Variants in NEMF observed in about 807,000 individuals in gnomAD.
NEMF encodes the protein nuclear export mediator factor, also known as ribosome quality control complex subunit NEMF.
A neutral mutation model predicts 162.2 loss-of-function variants in NEMF; 89 were observed. That is an observed-to-expected ratio of 0.55 (90% CI 0.46 to 0.65). The LOEUF is 0.65. Ranked by LOEUF, NEMF falls within the 30% of genes least tolerant of loss-of-function variation. The pLI is 0.00. For synonymous variants in NEMF, 421 were observed against 404.5 expected, an observed-to-expected ratio of 1.04 and a Z score of -0.49; for missense variants, 1,133 against 1,261.9, an observed-to-expected ratio of 0.90 and a Z score of 1.55.
chr14:49,827,874 G>C (rs922705176), intron 15 of NEMF, among the ~76,000 whole-genome samples: 8 of 152,148 alleles, frequency 5.3e-5, no homozygotes, highest in Middle Eastern at 3.4e-3. Context: ...GGGAAAAGAG[G>C]AGGAGGAGAG....
intron 18 of NEMF, among the ~76,000 whole-genome samples, chr14:49,811,600 C>T (rs1187715465): frequency 6.6e-6 from 1 of 152,092 alleles, no homozygotes; most frequent in Non-Finnish European, 1.5e-5. Flanking sequence ...GCTTGTTTAC[C>T]AAGTTGAGGA....
intron 19 of NEMF, among the ~76,000 whole-genome samples, chr14:49,804,155 C>T (rs1891081727): frequency 6.6e-6 from 1 of 151,596 alleles, no homozygotes; most frequent in East Asian, 2.0e-4. Flanking sequence ...CAGGTGCGCA[C>T]CACCACGCCC....
chr14:49,825,312 A>C (rs1892281236), intron 16 of NEMF, among the ~76,000 whole-genome samples: 1 of 152,230 alleles, frequency 6.6e-6, no homozygotes, highest in African/African-American at 2.4e-5. Context: ...GTTAGTAAGA[A>C]TATAAAACAG....
intron 1 of NEMF, among the ~76,000 whole-genome samples, chr14:49,852,131 G>A (rs898522332): frequency 6.6e-6 from 1 of 151,132 alleles, no homozygotes; most frequent in Non-Finnish European, 1.5e-5. Flanking sequence ...TTTTGGGGGA[G>A]AAATACAGTA....
chr14:49,802,138 G>A (rs1283389828), intron 22 of NEMF, among the ~76,000 whole-genome samples: 2 of 151,538 alleles, frequency 1.3e-5, no homozygotes, highest in African/African-American at 2.4e-5. Flanking sequence ...TGGTAGAGAT[G>A]GTTTTGCCAT....
intron 7 of NEMF, 43 bp downstream of exon 7, chr14:49,834,320 T>C (rs766028008): frequency 1.3e-5 from 18 of 1,394,812 alleles, no homozygotes; most frequent in Non-Finnish European, 1.5e-5. Context: ...TTTCATAGTT[T>C]AAAAAAAATG....
chr14:49,806,230 G>GTGTATATGTA, intron 18 of NEMF, 97 bp from the exon 19 acceptor site: 1 of 104,214 alleles, frequency 9.6e-6, no homozygotes, highest in East Asian at 2.0e-4. Flanking sequence ...TCAATGATAT[G>GTGTATATGTA]TGTATATATA....
At chr14:49,813,033 C>T (rs1891550884) in intron 18 of NEMF, among the ~76,000 whole-genome samples, 1 of 152,102 alleles carries the variant, frequency 6.6e-6, no homozygotes, top group African/African-American at 2.4e-5. Flanking sequence ...CCTCAGCCTC[C>T]CAAAGTGCTG....
intron 3 of NEMF, among the ~76,000 whole-genome samples, chr14:49,847,766 T>G (rs1286773479): frequency 6.7e-6 from 1 of 148,584 alleles, no homozygotes; most frequent in Non-Finnish European, 1.5e-5. Flanking sequence ...GAGCGGTGGC[T>G]CAGGCCTGTA....
intron 25 of NEMF, 190 bp from the exon 26 acceptor site, chr14:49,796,134 C>T (rs1890682410): frequency 3.3e-6 from 2 of 604,740 alleles, no homozygotes; most frequent in Admixed American, 2.8e-5. Flanking sequence ...GCAAGTTTTT[C>T]ATCTCTCATG....
intron 11 of NEMF, among the ~76,000 whole-genome samples, chr14:49,831,080 A>T (rs79900541): frequency 1.3e-5 from 2 of 152,168 alleles, no homozygotes; most frequent in Non-Finnish European, 1.5e-5. Context: ...TTTTTACAGA[A>T]TATCTGAAAT....
rs372602430 is a variant in NEMF, at chr14:49,803,336, T to A, written c.1858-42A>T. Reference sequence around the variant, plus strand: ...TACATTATATTCTTATTTAAAAAAATACTCTAGTTTTCTTTTTCCACTTGA... The same window carrying A: ...TACATTATATTCTTATTTAAAAAAAAACTCTAGTTTTCTTTTTCCACTTGA... On this transcript the variant is annotated intron_variant, in intron 19 of 32. Coordinates refer to ENST00000298310, the MANE Select transcript of NEMF (RefSeq NM_004713.6). The A allele has an allele frequency of 7.3e-7, 1 of 1,374,118 alleles. No individual in the cohort carries two copies. The highest frequency in any genetic ancestry group is 1.0e-6 in the Non-Finnish European group (1 of 984,642). The allele number at this position is 1,374,118 out of a possible 1,614,324, so 85.1% of individuals were successfully genotyped here.
chr14:49,825,846 T>A (rs1206794741), intron 16 of NEMF, 21 bp downstream of exon 16: 1 of 1,454,450 alleles, frequency 6.9e-7, no homozygotes, highest in Non-Finnish European at 9.5e-7. Flanking sequence ...AAACTGTATT[T>A]GAAAGAGACA....
intron 18 of NEMF, among the ~76,000 whole-genome samples, chr14:49,807,592 AT>A (rs371689750): frequency 0.029 from 3,684 of 125,354 alleles, 88 homozygotes; most frequent in African/African-American, 0.088. Context: ...GTATCTTGTG[AT>A]TTTTTTTTTT....
chr14:49,841,488 C>A (rs553196775), intron 4 of NEMF, among the ~76,000 whole-genome samples: 1 of 146,888 alleles, frequency 6.8e-6, no homozygotes, highest in African/African-American at 2.5e-5. Context: ...GCAGGAGAAT[C>A]GCTTGAACCT....
rs1892510676 is a variant in NEMF at position 49,829,071 on chromosome 14, A to G, written c.1215T>C (p.His405=). The part of the protein sequence containing the change: ...AIKELKLQTN[H]VTMLLRNPYL... ...AAACTTACCTTAGCAGCATTGTAACATGGTTTGTTTGTAGTTTTAATTCTT... is the reference window on the plus strand; with the variant it reads ...AAACTTACCTTAGCAGCATTGTAACGTGGTTTGTTTGTAGTTTTAATTCTT... Residue 405 remains histidine, a synonymous_variant, in exon 13 of 33, where the codon CAT becomes CAC. Transcript: ENST00000298310. 2 of 1,614,058 alleles carry G rather than the reference A, an allele frequency of 1.2e-6. No individual in the cohort carries two copies. The highest frequency in any genetic ancestry group is 1.7e-6 in the Non-Finnish European group (2 of 1,179,906).
intron 3 of NEMF, among the ~76,000 whole-genome samples, chr14:49,846,721 T>C (rs2140027613): frequency 6.6e-6 from 1 of 152,354 alleles, no homozygotes; most frequent in South Asian, 2.1e-4. Flanking sequence ...TGCCTTGGCC[T>C]CCCAAAGTGC....
chr14:49,793,416 A>C (rs6572616), intron 26 of NEMF, among the ~76,000 whole-genome samples: 151,712 of 152,284 alleles, frequency 1, 75,575 homozygotes, highest in Middle Eastern at 1. Flanking sequence ...CAGTGGCTCA[A>C]GTCTGTAATC....
chr14:49,834,729 C>T (rs990909845), intron 6 of NEMF, among the ~76,000 whole-genome samples: 3 of 152,170 alleles, frequency 2.0e-5, no homozygotes, highest in Admixed American at 6.5e-5. Context: ...GTGATCCACT[C>T]ACCTCAACCT....
Sources: gnomAD v4.1 joint callset for allele counts (sites outside exome capture counted in the v4.1 genomes callset) on GRCh38, gnomAD v4.1.1 for gene constraint, MANE v1.5 for transcripts, NCBI Gene and HGNC (gene_info 2026-07-23, HGNC 2026-07-21) for gene names.